The following RIMS2 variants were observed in gnomAD, a reference collection of about 807,000 sequenced individuals.
The protein encoded by RIMS2 is regulating synaptic membrane exocytosis protein 2.
A neutral mutation model predicts 174.4 loss-of-function variants in RIMS2; 59 were observed. The ratio of observed to expected loss-of-function variants is 0.34; its 90% CI spans 0.27 to 0.42. The LOEUF (loss-of-function observed/expected upper bound fraction) is 0.42. Ranked by LOEUF, RIMS2 falls within the 10% of genes least tolerant of loss-of-function variation. The pLI, the probability that RIMS2 is intolerant of heterozygous loss-of-function variation, is 1.00. For missense variants in RIMS2, 1,620 were observed against 1,666.3 expected (o/e 0.97, Z 0.48); for synonymous variants, 606 against 572.5 (o/e 1.06, Z -0.84).
chr8:103,909,998 A>T, intron 4 of RIMS2: 1 of 473,274 alleles, frequency 2.1e-6, no homozygotes, highest in Non-Finnish European at 3.8e-6. Context: ...CACTATATAT[A>T]TATATATATA....
intron 1 of RIMS2, among the ~76,000 whole-genome samples, chr8:103,540,480 A>G (rs1842032100): frequency 6.6e-6 from 1 of 152,222 alleles, no homozygotes; most frequent in African/African-American, 2.4e-5. Flanking sequence ...TACTCCACTC[A>G]TGTAAGCACC....
intron 9 of RIMS2, 117 bp from the exon 13 acceptor site, chr8:103,921,555 A>G (rs2077668075): frequency 4.9e-6 from 3 of 608,196 alleles, no homozygotes; most frequent in East Asian, 2.9e-5. Context: ...AATGGTCTAT[A>G]TAATGACACC....
intron 3 of RIMS2, among the ~76,000 whole-genome samples, chr8:103,852,835 T>A (rs1180466484): frequency 6.6e-6 from 1 of 152,082 alleles, no homozygotes; most frequent in Non-Finnish European, 1.5e-5. Context: ...TTCTCTGTCT[T>A]TGCTCTTGTG....
intron 19 of RIMS2, among the ~76,000 whole-genome samples, chr8:104,180,687 G>A (rs903902479): frequency 6.6e-6 from 1 of 151,592 alleles, no homozygotes; most frequent in Non-Finnish European, 1.5e-5. Flanking sequence ...ATGACTCATT[G>A]CTTTTTAAGG....
At chr8:104,194,971 A>G (rs1263564601) in intron 19 of RIMS2, among the ~76,000 whole-genome samples, 1 of 152,232 alleles carries the variant, frequency 6.6e-6, no homozygotes, top group Admixed American at 6.5e-5. Context: ...GAAGCAACAG[A>G]TAAACACGGA....
intron 19 of RIMS2, among the ~76,000 whole-genome samples, chr8:104,058,696 T>C (rs912544180): frequency 6.6e-6 from 1 of 152,178 alleles, no homozygotes; most frequent in Admixed American, 6.5e-5. Context: ...GTTTTTATGG[T>C]TTTAGGTCTA....
intron 1 of RIMS2, among the ~76,000 whole-genome samples, chr8:103,662,800 C>G (rs2096620150): frequency 6.6e-6 from 1 of 152,034 alleles, no homozygotes; most frequent in Non-Finnish European, 1.5e-5. Context: ...ATGTCAGTCT[C>G]TAATATCAAT....
chr8:104,095,057 T>C (rs942906700), intron 19 of RIMS2, among the ~76,000 whole-genome samples: 1 of 152,108 alleles, frequency 6.6e-6, no homozygotes, highest in Non-Finnish European at 1.5e-5. Context: ...ATAAAGATCA[T>C]TGAAAAGAGA....
At chr8:103,692,879 C>G (rs1379483491) in intron 1 of RIMS2, among the ~76,000 whole-genome samples, 3 of 152,210 alleles carry the variant, frequency 2.0e-5, no homozygotes, top group Admixed American at 2.0e-4. Flanking sequence ...GCCACCTCAG[C>G]TGGTTTCTCA....
At chr8:103,618,372 A>G (rs936068482) in intron 1 of RIMS2, among the ~76,000 whole-genome samples, 6 of 152,082 alleles carry the variant, frequency 3.9e-5, no homozygotes, top group African/African-American at 1.4e-4. Flanking sequence ...CTATTACAGA[A>G]ACCCTCAGGA....
At chr8:103,924,580 G>C (rs1288329146) in intron 10 of RIMS2, among the ~76,000 whole-genome samples, 3 of 151,348 alleles carry the variant, frequency 2.0e-5, no homozygotes, top group Non-Finnish European at 4.4e-5. Flanking sequence ...GGACATTTTT[G>C]CTTTTGGTTA....
chr8:104,239,283 G>A (rs1354257313), intron 19 of RIMS2, among the ~76,000 whole-genome samples: 2 of 152,154 alleles, frequency 1.3e-5, no homozygotes, highest in Non-Finnish European at 2.9e-5. Flanking sequence ...GCTTTACTGA[G>A]GGTGCCAGGT....
chr8:103,734,708 G>A (rs1461228329), intron 2 of RIMS2, among the ~76,000 whole-genome samples: 2 of 151,924 alleles, frequency 1.3e-5, no homozygotes, highest in Non-Finnish European at 2.9e-5. Context: ...CATACTAAGT[G>A]CAAAGTCTAG....
chr8:103,777,971 C>A (rs796381655), intron 3 of RIMS2, among the ~76,000 whole-genome samples: 10 of 152,022 alleles, frequency 6.6e-5, no homozygotes, highest in African/African-American at 2.4e-4. Context: ...GGAACTCAAT[C>A]ATAGCATATA....
chr8:103,583,899 A>G (rs1197410550), intron 1 of RIMS2, among the ~76,000 whole-genome samples: 1 of 150,794 alleles, frequency 6.6e-6, no homozygotes, highest in Non-Finnish European at 1.5e-5. Context: ...AGTGGGGGAA[A>G]AACACACACA....
intron 19 of RIMS2, among the ~76,000 whole-genome samples, chr8:104,166,126 G>A (rs2098796261): frequency 6.8e-6 from 1 of 146,998 alleles, no homozygotes; most frequent in African/African-American, 2.5e-5. Flanking sequence ...GAGTGCAGTG[G>A]CGTGATCTCG....
chr8:103,759,361 C>T (rs917307767), intron 2 of RIMS2, among the ~76,000 whole-genome samples: 2 of 151,718 alleles, frequency 1.3e-5, no homozygotes, highest in African/African-American at 4.8e-5. Flanking sequence ...GTCAGGAGAT[C>T]GAGACCATCC....
At chr8:103,600,023 C>T (rs1177293517) in intron 1 of RIMS2, among the ~76,000 whole-genome samples, 1 of 152,060 alleles carries the variant, frequency 6.6e-6, no homozygotes, top group Non-Finnish European at 1.5e-5. Flanking sequence ...CATTAATCAT[C>T]CTCATCTCCG....
intron 3 of RIMS2, among the ~76,000 whole-genome samples, chr8:103,861,481 G>A (rs185281467): frequency 6.6e-5 from 10 of 151,970 alleles, no homozygotes; most frequent in South Asian, 4.2e-4. Flanking sequence ...ATTTATTTTC[G>A]TCTGGGTAGA....
Sources: gnomAD v4.1 joint callset for allele counts (sites outside exome capture counted in the v4.1 genomes callset) on GRCh38, gnomAD v4.1.1 for gene constraint, MANE v1.5 for transcripts, NCBI Gene and HGNC (gene_info 2026-07-23, HGNC 2026-07-21) for gene names.